Variants in ACSM2A observed in about 807,000 individuals in gnomAD.
ACSM2A encodes the protein acyl-coenzyme A synthetase ACSM2A, mitochondrial.
Under a neutral mutation model 76.6 loss-of-function variants are expected in ACSM2A, and 72 were observed. That is an observed-to-expected ratio of 0.94 (90% confidence interval 0.78 to 1.14). The LOEUF is 1.14. Among genes scored for constraint, ACSM2A ranks in the 50% most tolerant of loss-of-function variants. The probability of loss-of-function intolerance (pLI) is 0.00; values close to 1 mark genes in which losing one functional copy is unlikely to be tolerated. For missense variants in ACSM2A, 684 were observed against 708.5 expected, an observed-to-expected ratio of 0.97 and a Z score of 0.39; for synonymous variants, 249 against 255.9, an observed-to-expected ratio of 0.97 and a Z score of 0.26.
chr16:20,458,931 T>TATATATAC (rs1373102129), intron 1 of ACSM2A, among the ~76,000 whole-genome samples: 3 of 56,768 alleles, frequency 5.3e-5, no homozygotes, highest in African/African-American at 1.1e-4. Context: ...TATATATATA[T>TATATATAC]ACATATATAT....
At chr16:20,454,923 A>T (rs564437411) in intron 1 of ACSM2A, among the ~76,000 whole-genome samples, 128 of 151,866 alleles carry the variant, frequency 8.4e-4, no homozygotes, top group African/African-American at 2.8e-3. Flanking sequence ...ACAAGTTATG[A>T]GGGGAGAAAT....
At chr16:20,478,283 G>C (rs1402375326) in intron 9 of ACSM2A, among the ~76,000 whole-genome samples, 1 of 152,150 alleles carries the variant, frequency 6.6e-6, no homozygotes, top group Non-Finnish European at 1.5e-5. Flanking sequence ...CACAGGTGAG[G>C]CAGGTCTCAA....
chr16:20,472,728 C>G (rs1345724298), intron 6 of ACSM2A, among the ~76,000 whole-genome samples: 2 of 150,844 alleles, frequency 1.3e-5, no homozygotes, highest in Non-Finnish European at 2.9e-5. Flanking sequence ...TAAATGGAGC[C>G]AAATTATATG....
At position 20,471,836 on chromosome 16, in the gene ACSM2A, G is replaced by T; in HGVS notation, c.894+147G>T. ...GTGTTCAGTAAACGAGATGGAAATG[G>T]TCCCTGACCTCACAGAGCTCATGTT... On this transcript the variant is annotated intron_variant, in intron 6 of 13. Transcript: ENST00000573854. 7 of 1,400,570 alleles carry T rather than the reference G, an allele frequency of 5.0e-6. No homozygotes were observed. In the South Asian group the frequency reaches 7.7e-5, roughly 15 times the overall value. 86.8% of individuals were successfully genotyped at this position (1,400,570 alleles called of 1,614,324 possible).
rs370522235 is a variant in ACSM2A, at chr16:20,483,126, G to T, written c.1578G>T (p.Glu526Asp). ...LSHDPEQLTK[E>D]LQQHVKSVTA... ...ATGACCCAGAACAGCTCACCAAGGAGCTGCAGCAGCATGTGAAGTCAGTGA... is the reference window on the plus strand; with the variant it reads ...ATGACCCAGAACAGCTCACCAAGGATCTGCAGCAGCATGTGAAGTCAGTGA... The change falls in exon 13 of 14, where the codon GAG (glutamate) becomes GAT (aspartate). Residue 526 changes from glutamate (E) to aspartate (D), a missense_variant. Glu to Asp is a conservative substitution (Grantham distance 45). This residue lies in a region of ACSM2A where 159 missense variants were observed against 132.5 expected (regional missense o/e 1.20). Coordinates refer to ENST00000573854, the MANE Select transcript of ACSM2A (RefSeq NM_001308172.2). 1.2e-6 allele frequency: 2 copies of T among 1,614,102 alleles called. No individual in the cohort carries two copies. Among genetic ancestry groups the T allele is most frequent in the Non-Finnish European group, 1.7e-6 (2 of 1,180,006 alleles).
chr16:20,467,890 C>T (rs932841862), intron 3 of ACSM2A, among the ~76,000 whole-genome samples: 1 of 152,076 alleles, frequency 6.6e-6, no homozygotes, highest in African/African-American at 2.4e-5. Flanking sequence ...GAAACTCCAG[C>T]AACCTCCTTC....
At chr16:20,475,854 A>G (rs2013709195) in intron 8 of ACSM2A, 81 bp downstream of exon 8, 2 of 1,592,278 alleles carry the variant, frequency 1.3e-6, no homozygotes, top group South Asian at 1.1e-5. Flanking sequence ...ATTGTTAGCC[A>G]CCATGTATCA....
chr16:20,455,947 G>T (rs1169167859), intron 1 of ACSM2A, among the ~76,000 whole-genome samples: 1 of 150,988 alleles, frequency 6.6e-6, no homozygotes, highest in Non-Finnish European at 1.5e-5. Flanking sequence ...AGGTAAGGGG[G>T]TGGAAAAAGA....
intron 13 of ACSM2A, among the ~76,000 whole-genome samples, 181 bp downstream of exon 13, chr16:20,483,358 T>G (rs2014203244): frequency 6.7e-6 from 1 of 150,266 alleles, no homozygotes; most frequent in Admixed American, 6.7e-5. Flanking sequence ...TCACCTGAGG[T>G]CAGGAGTTCA....
At position 20,486,745 on chromosome 16, in the gene ACSM2A, C is replaced by T. The variant is rs963076677; in HGVS notation, c.*67C>T. 75 of 1,567,340 alleles carry T rather than the reference C, an allele frequency of 4.8e-5. No individual in the cohort carries two copies. The highest frequency in any genetic ancestry group is 6.2e-5 in the Non-Finnish European group (71 of 1,141,206). On this transcript the variant is annotated 3_prime_UTR_variant, in exon 14 of 14. Coordinates refer to ENST00000573854, the MANE Select transcript of ACSM2A (RefSeq NM_001308172.2). Reference sequence around the variant, plus strand: ...CTTTCTTTTCCCTTTGGGCCCTTGGCCTTCCTATGATTATATGAGATTCTT... The same window carrying T: ...CTTTCTTTTCCCTTTGGGCCCTTGGTCTTCCTATGATTATATGAGATTCTT...
In ACSM2A at chr16:20,471,631, T is replaced by C. The variant is rs1440177517; in HGVS notation, c.836T>C (p.Leu279Ser). The change falls in exon 6 of 14, where the codon TTA (leucine) becomes TCA (serine). Residue 279 changes from leucine to serine, a missense_variant. Transcript: ENST00000573854. ...ILCSLMEPWA[L>S]GACTFVHLLP... ...TGCTCACTTATGGAACCTTGGGCATTAGGAGCATGCACATTTGTTCATCTC... is the reference window on the plus strand; with the variant it reads ...TGCTCACTTATGGAACCTTGGGCATCAGGAGCATGCACATTTGTTCATCTC... The C allele has an allele frequency of 6.2e-7, 1 of 1,613,918 alleles. No individual in the cohort carries two copies. The highest frequency in any genetic ancestry group is 1.3e-5 in the African/African-American group (1 of 74,908).
Position 20,486,921 on chromosome 16 carries a change from A to C in ACSM2A, c.*243A>C. On this transcript the variant is annotated 3_prime_UTR_variant, in exon 14 of 14. Coordinates refer to ENST00000573854, the MANE Select transcript of ACSM2A (RefSeq NM_001308172.2). ...AAAGGAAAGAAAAGTAAGTCAGGGAAATATTAAAACTGCAAGGGAAAGCAA... is the reference window on the plus strand; with the variant it reads ...AAAGGAAAGAAAAGTAAGTCAGGGACATATTAAAACTGCAAGGGAAAGCAA... The C allele has an allele frequency of 2.4e-6, 1 of 417,358 alleles. No homozygotes were observed. Among genetic ancestry groups the C allele is most frequent in the South Asian group, 5.2e-5 (1 of 19,366 alleles). 25.9% of individuals were successfully genotyped at this position (417,358 alleles called of 1,614,324 possible).
chr16:20,462,086 C>T (rs752637284), intron 2 of ACSM2A, among the ~76,000 whole-genome samples: 10 of 152,098 alleles, frequency 6.6e-5, no homozygotes, highest in African/African-American at 1.7e-4. Flanking sequence ...GTAACTTTTC[C>T]AGAATGCAAA....
intron 3 of ACSM2A, among the ~76,000 whole-genome samples, chr16:20,467,436 T>C (rs576101924): frequency 2.0e-5 from 3 of 152,208 alleles, no homozygotes; most frequent in African/African-American, 7.2e-5. Context: ...GGATGCTCAA[T>C]AGGGAATGGG....
intron 1 of ACSM2A, among the ~76,000 whole-genome samples, chr16:20,455,769 T>C (rs1323905923): frequency 6.7e-6 from 1 of 148,970 alleles, no homozygotes; most frequent in Non-Finnish European, 1.5e-5. Flanking sequence ...AGGCAACAAA[T>C]AGCACAATGA....
At chr16:20,474,295 A>G (rs1244533913) in intron 6 of ACSM2A, 1 of 215,722 alleles carries the variant, frequency 4.6e-6, no homozygotes, top group Non-Finnish European at 9.3e-6. Context: ...GGGGCATTTA[A>G]GAGATGATTG....
chr16:20,475,268 A>G (rs2013664363), intron 6 of ACSM2A, 94 bp from the exon 7 acceptor site: 1 of 1,599,506 alleles, frequency 6.3e-7, no homozygotes. Flanking sequence ...CCAGACCTCT[A>G]CAACTCCATA....
intron 1 of ACSM2A, among the ~76,000 whole-genome samples, chr16:20,454,105 TA>T (rs2141676018): frequency 7.9e-6 from 1 of 127,064 alleles, no homozygotes; most frequent in East Asian, 4.0e-4. Context: ...AAATCCCTAA[TA>T]AAAACTTGCT....
At chr16:20,478,019 T>C (rs548056468) in intron 9 of ACSM2A, among the ~76,000 whole-genome samples, 1 of 152,318 alleles carries the variant, frequency 6.6e-6, no homozygotes, top group Non-Finnish European at 1.5e-5. Flanking sequence ...ATGTGTATAG[T>C]TCTGTATATC....
Sources: allele counts gnomAD v4.1 joint callset (sites outside exome capture counted in the v4.1 genomes callset), GRCh38; gene constraint gnomAD v4.1.1; regional missense constraint gnomAD v4.1.1; transcripts MANE v1.5; gene names NCBI Gene and HGNC (gene_info 2026-07-23, HGNC 2026-07-21).